Variants in FRS2 observed in about 807,000 individuals in gnomAD.
FRS2 encodes the protein fibroblast growth factor receptor substrate 2, also known as FGFR signalling adaptor.
FRS2 carries 8 observed loss-of-function variants against 43.9 expected under a neutral mutation model. The observed-to-expected ratio is 0.18, with a 90% CI of 0.11 to 0.33. The LOEUF is 0.33. Ranked by LOEUF, FRS2 falls within the 10% of genes least tolerant of loss-of-function variation. The pLI is 1.00. For missense variants in FRS2, 534 were observed against 627.6 expected (o/e 0.85, Z 1.59); for synonymous variants, 219 against 220.3 (o/e 0.99, Z 0.05).
Position 69,574,972 on chromosome 12 carries a change from G to A in FRS2, c.*17G>A. 1 of 1,505,764 alleles carries A rather than the reference G, an allele frequency of 6.6e-7. No homozygotes were observed. The highest frequency in any genetic ancestry group is 9.2e-7 in the Non-Finnish European group (1 of 1,085,770). The allele number at this position is 1,505,764 out of a possible 1,614,324, so 93.3% of individuals were successfully genotyped here. ...CCCATGTGAGCCTGGAAAGCATTGT[G>A]TTGTTTGCACCTTTGTGAAGTTTTT... On this transcript the variant is annotated 3_prime_UTR_variant, in exon 9 of 9. Transcript: ENST00000549921.
At chr12:69,478,724 A>ATGTGTG (rs59945124) in intron 1 of FRS2, among the ~76,000 whole-genome samples, 1,522 of 146,300 alleles carry the variant, frequency 0.01, 15 homozygotes, top group African/African-American at 0.031. Context: ...ATACATCATT[A>ATGTGTG]TGTGTGTGTG....
At chr12:69,496,396 C>T (rs1872900758) in intron 1 of FRS2, among the ~76,000 whole-genome samples, 1 of 151,870 alleles carries the variant, frequency 6.6e-6, no homozygotes, top group South Asian at 2.1e-4. Flanking sequence ...GAGATCGCGC[C>T]ACTGCACCTC....
Position 69,571,401 on chromosome 12 carries a change from T to A in FRS2, c.379T>A (p.Leu127Met), listed in dbSNP as rs541934715. The A allele has an allele frequency of 1.2e-6, 2 of 1,613,102 alleles. No individual in the cohort carries two copies. Among genetic ancestry groups the A allele is most frequent in the South Asian group, 2.2e-5 (2 of 90,998 alleles). ...VVERNNHQTE[L>M]EVPRTPRTPT... ...AGAAAGAAATAATCATCAGACAGAA[T>A]TGGAAGTCCCTAGAACACCTCGAAC... is the stretch of plus-strand genomic sequence containing the variant. The change falls in exon 7 of 9, where the codon TTG becomes ATG. Residue 127 changes from leucine (L) to methionine (M), a missense_variant. This residue lies in a region of FRS2 where 446 missense variants were observed against 494.2 expected (regional missense o/e 0.90). Coordinates refer to ENST00000549921, the MANE Select transcript of FRS2 (RefSeq NM_001278356.2).
chr12:69,529,492 C>G (rs1241608310), intron 1 of FRS2, among the ~76,000 whole-genome samples: 1 of 151,936 alleles, frequency 6.6e-6, no homozygotes, highest in East Asian at 1.9e-4. Context: ...GACGTGGTGG[C>G]ATGTGCCTGT....
intron 3 of FRS2, among the ~76,000 whole-genome samples, chr12:69,536,581 T>G (rs1399583304): frequency 3.3e-5 from 1 of 30,764 alleles, no homozygotes; most frequent in Non-Finnish European, 5.9e-5. Flanking sequence ...TTTTTTTAAT[T>G]TTTTTTTTTC....
chr12:69,477,483 C>T (rs372473317), intron 1 of FRS2, among the ~76,000 whole-genome samples: 19 of 151,068 alleles, frequency 1.3e-4, no homozygotes, highest in East Asian at 7.8e-4. Context: ...GGGGTTTCAC[C>T]GTGTTAGCCA....
chr12:69,556,180 C>A (rs1389947414), intron 3 of FRS2, among the ~76,000 whole-genome samples: 1 of 152,188 alleles, frequency 6.6e-6, no homozygotes. Context: ...GGATTACAGG[C>A]GTAAGCCAGC....
At chr12:69,516,221 A>G (rs1336126372) in intron 1 of FRS2, among the ~76,000 whole-genome samples, 2 of 143,098 alleles carry the variant, frequency 1.4e-5, no homozygotes, top group East Asian at 2.0e-4. Context: ...TATTATTACT[A>G]TTTTTTTTTT....
Position 69,574,593 on chromosome 12 carries a change from A to C in FRS2, c.1165A>C (p.Met389Leu), listed in dbSNP as rs778440805. The C allele has an allele frequency of 6.2e-7, 1 of 1,613,950 alleles. No individual in the cohort carries two copies. Among genetic ancestry groups the C allele is most frequent in the African/African-American group, 1.3e-5 (1 of 74,948 alleles). The change falls in exon 9 of 9, where the codon ATG (methionine) becomes CTG (leucine). Residue 389 changes from methionine (M) to leucine (L), a missense_variant. Around this residue, in one of 3 missense-constraint regions of FRS2, gnomAD observed 446 missense variants for 494.2 expected, o/e 0.90. Coordinates refer to ENST00000549921, the MANE Select transcript of FRS2 (RefSeq NM_001278356.2). Reference sequence around the variant, plus strand: ...TGGCTACCATAATAATCTAGATCCAATGCATAACTATGTAAATACAGAGAA... The same window carrying C: ...TGGCTACCATAATAATCTAGATCCACTGCATAACTATGTAAATACAGAGAA... ...LNGYHNNLDPMHNYVNTENVT... is the reference protein window; with the variant it reads ...LNGYHNNLDPLHNYVNTENVT...
intron 3 of FRS2, among the ~76,000 whole-genome samples, chr12:69,551,154 C>A (rs1878835827): frequency 6.6e-6 from 1 of 152,176 alleles, no homozygotes; most frequent in East Asian, 1.9e-4. Flanking sequence ...GAGTTCTAGA[C>A]CCCTTGGGCA....
At chr12:69,502,000 C>CT (rs1565729625) in intron 1 of FRS2, among the ~76,000 whole-genome samples, 1 of 151,986 alleles carries the variant, frequency 6.6e-6, no homozygotes. Context: ...GAGCCTCCCT[C>CT]TGTCACCCAG....
At position 69,570,386 on chromosome 12, in the gene FRS2, C is replaced by A. The variant is rs753146500; in HGVS notation, c.122C>A (p.Thr41Lys). 3.7e-6 allele frequency: 6 copies of A among 1,613,644 alleles called. No individual in the cohort carries two copies. Among genetic ancestry groups the A allele is most frequent in the South Asian group, 1.1e-5 (1 of 91,062 alleles). ...TTAGGTTCTGGCATAATGGAACTTA[C>A]AGACACAGAACTGATTTTATACACC... is the stretch of plus-strand genomic sequence containing the variant. The part of the protein sequence containing the change: ...NELGSGIMEL[T>K]DTELILYTRK... The change falls in exon 6 of 9, where the codon ACA (threonine) becomes AAA (lysine). Residue 41 changes from threonine to lysine, a missense_variant. Physicochemically the swap from Thr to Lys is moderately conservative, Grantham distance 78. This residue lies in a region of FRS2 where 76 missense variants were observed against 90.5 expected (regional missense o/e 0.84). Transcript: ENST00000549921.
At chr12:69,482,213 A>G (rs1871410243) in intron 1 of FRS2, among the ~76,000 whole-genome samples, 1 of 152,246 alleles carries the variant, frequency 6.6e-6, no homozygotes, top group African/African-American at 2.4e-5. Context: ...GCACATAGCA[A>G]AGGAAATTCT....
chr12:69,548,527 A>G (rs1283329005), intron 3 of FRS2, among the ~76,000 whole-genome samples: 4 of 152,182 alleles, frequency 2.6e-5, no homozygotes, highest in African/African-American at 9.7e-5. Context: ...AAGAAATGTA[A>G]AAGCTGTTGA....
chr12:69,515,576 C>T (rs1243484173), intron 1 of FRS2, among the ~76,000 whole-genome samples: 1 of 151,910 alleles, frequency 6.6e-6, no homozygotes, highest in Non-Finnish European at 1.5e-5. Flanking sequence ...CTCTTGCTGT[C>T]TCTCTCTCTC....
intron 1 of FRS2, among the ~76,000 whole-genome samples, chr12:69,522,253 G>C (rs920170998): frequency 6.8e-6 from 1 of 147,370 alleles, no homozygotes; most frequent in Non-Finnish European, 1.5e-5. Flanking sequence ...CCAGGTTTTG[G>C]TATCAGGATG....
Position 69,558,467 on chromosome 12 carries a change from C to G in FRS2, c.-121-3713C>G, listed in dbSNP as rs529841165. 1.7e-3 allele frequency among the ~76,000 whole-genome samples: 253 copies of G among 152,274 alleles called. 1 individual carries two copies. The highest frequency in any genetic ancestry group is 2.9e-3 in the Non-Finnish European group (200 of 68,022). ...CATGTGCCTTCTTTCCTACCTATCT[C>G]CTAATATTTTCCCATGAACACCCTA... On this transcript the variant is annotated intron_variant, in intron 3 of 8. Coordinates refer to ENST00000549921, the MANE Select transcript of FRS2 (RefSeq NM_001278356.2).
intron 1 of FRS2, among the ~76,000 whole-genome samples, chr12:69,496,107 C>T (rs1041334283): frequency 1.3e-5 from 2 of 152,120 alleles, no homozygotes; most frequent in Non-Finnish European, 2.9e-5. Context: ...GGTCAAAACT[C>T]TGTCCTAAAA....
chr12:69,500,430 T>C (rs1403722552), intron 1 of FRS2, among the ~76,000 whole-genome samples: 3 of 152,182 alleles, frequency 2.0e-5, no homozygotes, highest in Non-Finnish European at 4.4e-5. Context: ...GAGGAATTGA[T>C]AAAATACCTT....
Sources: gnomAD v4.1 joint callset for allele counts (sites outside exome capture counted in the v4.1 genomes callset) on GRCh38, gnomAD v4.1.1 for gene constraint, gnomAD v4.1.1 regional missense constraint, MANE v1.5 for transcripts, NCBI Gene and HGNC (gene_info 2026-07-23, HGNC 2026-07-21) for gene names.